The following HHAT variants were observed in gnomAD, a reference collection of about 807,000 sequenced individuals.
The protein encoded by HHAT is protein-cysteine N-palmitoyltransferase HHAT.
HHAT carries 47 observed loss-of-function variants against 70.8 expected under a neutral mutation model. The observed-to-expected ratio is 0.66, with a 90% CI of 0.53 to 0.85. HHAT has a LOEUF of 0.85. Among genes scored for constraint, HHAT ranks in the 40% least tolerant of loss-of-function variants. The probability of loss-of-function intolerance (pLI) is 0.00; values close to 1 mark genes in which losing one functional copy is unlikely to be tolerated. For missense variants in HHAT, 609 were observed against 604.8 expected (o/e 1.01, Z -0.07); for synonymous variants, 228 against 247.6 (o/e 0.92, Z 0.74).
intron 3 of HHAT, among the ~76,000 whole-genome samples, chr1:210,376,732 G>T (rs1351120904): frequency 6.6e-6 from 1 of 152,180 alleles, no homozygotes; most frequent in Non-Finnish European, 1.5e-5. Context: ...GGCAGCTAAT[G>T]GGCAAAGGGG....
At chr1:210,442,152 C>T (rs1409576115) in intron 7 of HHAT, among the ~76,000 whole-genome samples, 2 of 147,436 alleles carry the variant, frequency 1.4e-5, no homozygotes, top group Non-Finnish European at 3.0e-5. Context: ...TTTCCAATTT[C>T]ATCCATGTCC....
chr1:210,408,498 T>C (rs923694002), intron 6 of HHAT, among the ~76,000 whole-genome samples: 2 of 152,084 alleles, frequency 1.3e-5, no homozygotes, highest in African/African-American at 4.8e-5. Flanking sequence ...CTTTTATTAT[T>C]GTGATGATTG....
In HHAT at chr1:210,483,766, A is replaced by G. The variant is rs572608129; in HGVS notation, c.1007+19111A>G. Among the ~76,000 whole-genome samples, 126 of 152,254 alleles carry G rather than the reference A, an allele frequency of 8.3e-4. 1 individual carries two copies. Among genetic ancestry groups the G allele is most frequent in the African/African-American group, 2.9e-3 (120 of 41,566 alleles). ...TATTATATGGACTGTTTATCTCCTC[A>G]TGGGTTACATTTTTGAAAGTTCAGT... On this transcript the variant is annotated intron_variant, in intron 8 of 11. Coordinates refer to ENST00000261458, the MANE Select transcript of HHAT (RefSeq NM_018194.6).
At chr1:210,390,586 T>C (rs1174220100) in intron 4 of HHAT, among the ~76,000 whole-genome samples, 1 of 152,144 alleles carries the variant, frequency 6.6e-6, no homozygotes, top group African/African-American at 2.4e-5. Flanking sequence ...ATTTATGAAA[T>C]TTTAGTGTAC....
chr1:210,600,134 A>G (rs143106592), intron 10 of HHAT, among the ~76,000 whole-genome samples: 1 of 152,252 alleles, frequency 6.6e-6, no homozygotes, highest in African/African-American at 2.4e-5. Context: ...TACCTTGTAT[A>G]TGTTCTCTTC....
chr1:210,387,075 C>T (rs554395641), intron 3 of HHAT, among the ~76,000 whole-genome samples: 2 of 152,200 alleles, frequency 1.3e-5, no homozygotes, highest in Admixed American at 6.5e-5. Context: ...CTTGTACTAT[C>T]CCTGTGAACT....
Position 210,439,629 on chromosome 1 carries a change from A to T in HHAT, c.856+21304A>T, listed in dbSNP as rs573495823. The T allele has an allele frequency of 3.3e-5, 5 of 152,156 alleles. No individual in the cohort carries two copies. In the East Asian group the frequency reaches 9.6e-4, roughly 29 times the overall value. 9.4% of individuals were successfully genotyped at this position (152,156 alleles called of 1,614,324 possible). Reference sequence around the variant, plus strand: ...TCTTTTGGAGTGAAAGCCTTGTAATAGGCCCCTTGGGGCATGCTGGGGCTC... The same window carrying T: ...TCTTTTGGAGTGAAAGCCTTGTAATTGGCCCCTTGGGGCATGCTGGGGCTC... On this transcript the variant is annotated intron_variant, in intron 7 of 11. Transcript: ENST00000261458.
chr1:210,615,372 G>A (rs564714117), intron 10 of HHAT, among the ~76,000 whole-genome samples: 49 of 152,214 alleles, frequency 3.2e-4, no homozygotes, highest in African/African-American at 1.2e-3. Flanking sequence ...ACTTCTTTGC[G>A]ATGGGTTCGA....
At chr1:210,479,950 TACTTA>T (rs926941178) in intron 8 of HHAT, among the ~76,000 whole-genome samples, 16 of 152,226 alleles carry the variant, frequency 1.1e-4, no homozygotes, top group Admixed American at 7.2e-4. Flanking sequence ...TCGGTCAAGG[TACTTA>T]ACTTATCTAA....
intron 9 of HHAT, among the ~76,000 whole-genome samples, chr1:210,576,814 C>G (rs936674649): frequency 8.5e-5 from 13 of 152,274 alleles, no homozygotes; most frequent in African/African-American, 3.1e-4. Context: ...ATGGGCACAG[C>G]ATATCTTTCC....
At chr1:210,559,149 C>G (rs1381217565) in intron 9 of HHAT, among the ~76,000 whole-genome samples, 1 of 152,118 alleles carries the variant, frequency 6.6e-6, no homozygotes, top group Admixed American at 6.5e-5. Context: ...AAGTTTCAGC[C>G]TAGTTCAGAT....
chr1:210,627,729 T>C (rs758769144), intron 11 of HHAT, among the ~76,000 whole-genome samples: 1 of 152,182 alleles, frequency 6.6e-6, no homozygotes, highest in Non-Finnish European at 1.5e-5. Context: ...AAGGAATCTA[T>C]GTTTTTGCTT....
rs946148683 is a variant in HHAT at position 210,515,571 on chromosome 1, C to T, written c.1043+2383C>T. On this transcript the variant is annotated intron_variant, in intron 9 of 11. Coordinates refer to ENST00000261458, the MANE Select transcript of HHAT (RefSeq NM_018194.6). ...AGGAGATCGAGACCATCCTGGCTAA[C>T]ACGGTGAAACCCTGTCTCTACTAAA... 4.0e-5 allele frequency among the ~76,000 whole-genome samples: 6 copies of T among 150,056 alleles called. No individual in the cohort carries two copies. The East Asian group carries it at 1.2e-3, about 30-fold the overall frequency.
At chr1:210,639,572 G>T (rs1358394120) in intron 11 of HHAT, among the ~76,000 whole-genome samples, 7 of 152,218 alleles carry the variant, frequency 4.6e-5, no homozygotes, top group Non-Finnish European at 8.8e-5. Context: ...TCAAAATGGT[G>T]TGCAGAAAAT....
At chr1:210,481,072 T>A (rs2094388853) in intron 8 of HHAT, among the ~76,000 whole-genome samples, 1 of 151,634 alleles carries the variant, frequency 6.6e-6, no homozygotes, top group Non-Finnish European at 1.5e-5. Flanking sequence ...AATAAGCGAA[T>A]GATATGGTGT....
In HHAT at chr1:210,629,134, G is replaced by A. The variant is rs1031899189; in HGVS notation, c.1390+5464G>A. Among the ~76,000 whole-genome samples, 12 of 152,210 alleles carry A rather than the reference G, an allele frequency of 7.9e-5. 1 individual carries two copies. In the South Asian group the frequency reaches 1.4e-3, roughly 18 times the overall value. ...TAGATGTAGGTTAGACAGTCTATCC[G>A]TGTTTACATCATTGGTCCATTTATG... On this transcript the variant is annotated intron_variant, in intron 11 of 11. Coordinates refer to ENST00000261458, the MANE Select transcript of HHAT (RefSeq NM_018194.6).
intron 8 of HHAT, 74 bp downstream of exon 8, chr1:210,464,729 G>C: frequency 6.6e-7 from 1 of 1,515,304 alleles, no homozygotes; most frequent in Non-Finnish European, 9.1e-7. Context: ...GCCTCAAAGG[G>C]TTCGGGCTAC....
intron 3 of HHAT, among the ~76,000 whole-genome samples, chr1:210,387,216 G>A (rs1020100304): frequency 6.6e-6 from 1 of 152,138 alleles, no homozygotes; most frequent in Non-Finnish European, 1.5e-5. Flanking sequence ...GAAAGTCCGA[G>A]GTGCATTTGG....
chr1:210,579,384 A>T (rs1199748228), intron 9 of HHAT, among the ~76,000 whole-genome samples: 2 of 152,150 alleles, frequency 1.3e-5, no homozygotes, highest in Admixed American at 6.5e-5. Flanking sequence ...CAATGGGTAT[A>T]AAATATTAGT....
Sources: allele counts gnomAD v4.1 joint callset (sites outside exome capture counted in the v4.1 genomes callset), GRCh38; gene constraint gnomAD v4.1.1; transcripts MANE v1.5; gene names NCBI Gene and HGNC (gene_info 2026-07-23, HGNC 2026-07-21).